CDH26: variants seen among roughly 807,000 people sequenced by gnomAD.
The protein encoded by CDH26 is cadherin 26.
A neutral mutation model predicts 90.3 loss-of-function variants in CDH26; 83 were observed. That is an observed-to-expected ratio of 0.92 (90% CI 0.77 to 1.10). CDH26 has a LOEUF of 1.10. CDH26 is among the 50% of genes least tolerant of loss of function. The probability of loss-of-function intolerance (pLI) is 0.00; values close to 1 mark genes in which losing one functional copy is unlikely to be tolerated. For missense variants in CDH26, 1,013 were observed against 1,037.6 expected, an observed-to-expected ratio of 0.98 and a Z score of 0.33; for synonymous variants, 397 against 396.3, an observed-to-expected ratio of 1.00 and a Z score of -0.02.
At chr20:59,981,470 G>A (rs2061394650) in intron 4 of CDH26, among the ~76,000 whole-genome samples, 2 of 152,052 alleles carry the variant, frequency 1.3e-5, no homozygotes, top group Admixed American at 1.3e-4. Flanking sequence ...TGTAAATGGA[G>A]CTGTTTTAAA....
intron 7 of CDH26, among the ~76,000 whole-genome samples, chr20:60,021,897 C>CACACATAT (rs1295572684): frequency 3.8e-5 from 3 of 79,002 alleles, no homozygotes; most frequent in African/African-American, 1.2e-4. Flanking sequence ...CACACACACA[C>CACACATAT]ATATATATAT....
Position 59,988,840 on chromosome 20 carries a change from C to T in CDH26, c.1024-64C>T, listed in dbSNP as rs775566558. The T allele has an allele frequency of 1.1e-5, 17 of 1,572,430 alleles. No individual in the cohort carries two copies. The South Asian group carries it at 1.3e-4, about 12-fold the overall frequency. The stretch of plus-strand genomic sequence containing the variant: ...CTCTGAGTTTGCAATGATGACTCGG[C>T]GCTGGGCTTCCTCTGGCCAGAGGAG... On this transcript the variant is annotated intron_variant, in intron 8 of 17. Coordinates refer to ENST00000348616, the MANE Select transcript of CDH26 (RefSeq NM_177980.4).
intron 8 of CDH26, among the ~76,000 whole-genome samples, chr20:60,032,713 T>C (rs370466510): frequency 5.9e-5 from 9 of 151,586 alleles, no homozygotes; most frequent in East Asian, 5.8e-4. Flanking sequence ...ATGGATGAAA[T>C]TGGAAATCAT....
In CDH26 at chr20:59,970,178, A is replaced by G; in HGVS notation, c.223A>G (p.Ile75Val). 6.2e-7 allele frequency: 1 copy of G among 1,612,644 alleles called. No individual in the cohort carries two copies. ...AGACCCGGGACCCTTTCCCAAACTC[A>G]TTGGTGAGGTAAGGTGCCTACTCTT... ...EEDPGPFPKL[I>V]GELFNNMSYN... The change falls in exon 3 of 18, where the codon ATT becomes GTT. Residue 75 changes from isoleucine to valine, a missense_variant. Coordinates refer to ENST00000348616, the MANE Select transcript of CDH26 (RefSeq NM_177980.4).
intron 5 of CDH26, among the ~76,000 whole-genome samples, chr20:59,983,498 A>AT (rs5842289): frequency 2.0e-5 from 3 of 152,196 alleles, no homozygotes; most frequent in Admixed American, 1.3e-4. Context: ...AACAAAAATC[A>AT]TTTTTTTGTG....
chr20:59,967,857 CTT>C (rs1246199894), intron 1 of CDH26, among the ~76,000 whole-genome samples: 1 of 104,704 alleles, frequency 9.6e-6, no homozygotes, highest in South Asian at 3.1e-4. Flanking sequence ...TTCTTTCTTT[CTT>C]TCTTTCTTTC....
At chr20:60,020,623 A>G (rs2061944752) in intron 7 of CDH26, among the ~76,000 whole-genome samples, 4 of 152,174 alleles carry the variant, frequency 2.6e-5, no homozygotes, top group Admixed American at 2.6e-4. Flanking sequence ...GTAGAGGTAC[A>G]GTTGCGACTG....
At chr20:59,978,014 A>T (rs1328827082) in intron 4 of CDH26, among the ~76,000 whole-genome samples, 1 of 152,144 alleles carries the variant, frequency 6.6e-6, no homozygotes, top group African/African-American at 2.4e-5. Flanking sequence ...TTGGAATCAT[A>T]CACTATGTAG....
In CDH26 at chr20:59,984,699, A is replaced by G; in HGVS notation, c.602A>G (p.Gln201Arg). 1 of 1,613,908 alleles carries G rather than the reference A, an allele frequency of 6.2e-7. No individual in the cohort carries two copies. The highest frequency in any genetic ancestry group is 8.5e-7 in the Non-Finnish European group (1 of 1,179,874). Residue 201 changes from glutamine to arginine, a missense_variant, in exon 6 of 18, where the codon CAA (glutamine) becomes CGA (arginine). Gln to Arg is a conservative substitution (Grantham distance 43). Transcript: ENST00000348616. ...GATGAAGAAAACACTCCAAATTCTC[A>G]AGTCCTTTACTTCCTCATTTCTCAA... The part of the protein sequence containing the change: ...DLDEENTPNS[Q>R]VLYFLISQTP...
chr20:59,976,769 A>G (rs1051385573), intron 4 of CDH26, among the ~76,000 whole-genome samples: 1 of 152,120 alleles, frequency 6.6e-6, no homozygotes, highest in African/African-American at 2.4e-5. Flanking sequence ...CTGCTGTGCT[A>G]GGATACCTGG....
chr20:59,967,015 G>A (rs1459621910), intron 1 of CDH26, among the ~76,000 whole-genome samples: 3 of 151,988 alleles, frequency 2.0e-5, no homozygotes, highest in Non-Finnish European at 4.4e-5. Context: ...GTTATGGGAT[G>A]ATGATTACTG....
rs1224196045 is a variant in CDH26 at position 59,994,419 on chromosome 20, C to T, written c.1596C>T (p.Asp532=). ...ATCCGGACCTGGAGCCGTTCTCTGA[C>T]CCATTTACATTTGAATTGGACAATA... ...AEDPDLEPFS[D]PFTFELDNTW... is the part of the protein sequence containing the mutation. The change falls in exon 11 of 18, where the codon GAC becomes GAT. Residue 532 remains aspartate (D), a synonymous_variant. Coordinates refer to ENST00000348616, the MANE Select transcript of CDH26 (RefSeq NM_177980.4). 7 of 1,613,976 alleles carry T rather than the reference C, an allele frequency of 4.3e-6. No individual in the cohort carries two copies. The highest frequency in any genetic ancestry group is 3.3e-5 in the South Asian group (3 of 91,082).
intron 1 of CDH26, among the ~76,000 whole-genome samples, chr20:59,967,997 T>A (rs1312376486): frequency 1.5e-5 from 2 of 131,302 alleles, no homozygotes; most frequent in African/African-American, 6.6e-5. Context: ...CTTTCTTTCT[T>A]TCTTTCTTTC....
chr20:59,960,454 G>T (rs896232154), intron 1 of CDH26, among the ~76,000 whole-genome samples: 3 of 151,858 alleles, frequency 2.0e-5, no homozygotes, highest in East Asian at 1.9e-4. Flanking sequence ...CACAAAGAAG[G>T]TTATGAAAAG....
intron 13 of CDH26, among the ~76,000 whole-genome samples, chr20:59,997,608 G>A (rs565297517): frequency 1.6e-4 from 25 of 152,364 alleles, no homozygotes; most frequent in African/African-American, 5.8e-4. Context: ...CAGACAAAGA[G>A]ATGAAAGCAT....
intron 1 of CDH26, among the ~76,000 whole-genome samples, chr20:59,966,824 T>C (rs1474496303): frequency 6.6e-6 from 1 of 152,184 alleles, no homozygotes; most frequent in African/African-American, 2.4e-5. Flanking sequence ...TTTTTGGTAA[T>C]GAAAAACTGG....
intron 7 of CDH26, chr20:59,986,099 C>A (rs2061455595): frequency 6.6e-6 from 1 of 152,252 alleles, no homozygotes; most frequent in African/African-American, 2.4e-5. Context: ...AAATGTCCCT[C>A]AGGGAGAAGA....
intron 11 of CDH26, 69 bp from the exon 12 acceptor site, chr20:59,995,764 G>C: frequency 7.0e-7 from 1 of 1,433,648 alleles, no homozygotes. Flanking sequence ...AGGGCGTTCA[G>C]TAAGCGTGTG....
At chr20:60,033,101 G>A (rs1362297341) in intron 8 of CDH26, among the ~76,000 whole-genome samples, 1 of 152,214 alleles carries the variant, frequency 6.6e-6, no homozygotes, top group African/African-American at 2.4e-5. Flanking sequence ...CATTGGCTTT[G>A]GTTTGGGAGG....
Sources: gnomAD v4.1 joint callset for allele counts (sites outside exome capture counted in the v4.1 genomes callset) on GRCh38, gnomAD v4.1.1 for gene constraint, MANE v1.5 for transcripts, NCBI Gene and HGNC (gene_info 2026-07-23, HGNC 2026-07-21) for gene names.